STARD13: variants seen among roughly 807,000 people sequenced by gnomAD.
STARD13 encodes the protein stAR-related lipid transfer protein 13.
A neutral mutation model predicts 106.4 loss-of-function variants in STARD13; 62 were observed. The observed-to-expected ratio is 0.58, with a 90% CI of 0.48 to 0.72. The LOEUF (loss-of-function observed/expected upper bound fraction) is 0.72. STARD13 is among the 30% of genes least tolerant of loss of function. STARD13 has a pLI of 0.00. For missense variants in STARD13, 1,387 were observed against 1,424.0 expected (o/e 0.97, Z 0.42); for synonymous variants, 565 against 553.0 (o/e 1.02, Z -0.31).
the STARD13 span, among the ~76,000 whole-genome samples, chr13:33,617,263 G>A: frequency 2.6e-5 from 4 of 152,110 alleles, no homozygotes; most frequent in African/African-American, 4.8e-5. Flanking sequence ...ATAGTGCCTG[G>A]TACCATGTAC....
At chr13:33,225,405 T>A (rs1275923213) in intron 1 of STARD13, among the ~76,000 whole-genome samples, 1 of 152,242 alleles carries the variant, frequency 6.6e-6, no homozygotes, top group African/African-American at 2.4e-5. Flanking sequence ...AGTCCCCCTG[T>A]TCCTTCTAAC....
At chr13:33,215,453 G>A (rs974067923) in intron 1 of STARD13, among the ~76,000 whole-genome samples, 2 of 152,108 alleles carry the variant, frequency 1.3e-5, no homozygotes, top group African/African-American at 4.8e-5. Context: ...TTGTAATATA[G>A]CAAATGACTT....
At chr13:33,591,971 G>T in the STARD13 span, among the ~76,000 whole-genome samples, 2 of 152,074 alleles carry the variant, frequency 1.3e-5, no homozygotes, top group African/African-American at 2.4e-5. Flanking sequence ...ACCTGTTAGA[G>T]GCTTGTATGC....
chr13:33,399,738 GT>G, the STARD13 span, among the ~76,000 whole-genome samples: 1 of 132,466 alleles, frequency 7.5e-6, no homozygotes, highest in African/African-American at 2.8e-5. Flanking sequence ...ATTAAAATAA[GT>G]TTTTACAAAT....
At chr13:33,528,271 T>TATATATATATATATATATATAC in the STARD13 span, among the ~76,000 whole-genome samples, 1 of 127,248 alleles carries the variant, frequency 7.9e-6, no homozygotes, top group African/African-American at 3.3e-5. Context: ...TATATATATA[T>TATATATATATATATATATATAC]ATACTCTTTT....
At chr13:33,297,078 T>C (rs1892524000) in intron 1 of STARD13, among the ~76,000 whole-genome samples, 1 of 152,242 alleles carries the variant, frequency 6.6e-6, no homozygotes, top group East Asian at 1.9e-4. Context: ...TTAGAGAATA[T>C]GTGTGTATGC....
intron 3 of STARD13, among the ~76,000 whole-genome samples, chr13:33,163,469 A>G (rs1882878768): frequency 6.6e-6 from 1 of 151,264 alleles, no homozygotes; most frequent in Non-Finnish European, 1.5e-5. Context: ...ATATGCCTGT[A>G]GTCCCAGCTA....
chr13:33,659,619 T>A, the STARD13 span: 1 of 152,232 alleles, frequency 6.6e-6, no homozygotes, highest in African/African-American at 2.4e-5. Context: ...CAGAACTGAA[T>A]TGAGTTGGAA....
At chr13:33,612,086 T>C in the STARD13 span, among the ~76,000 whole-genome samples, 1 of 152,194 alleles carries the variant, frequency 6.6e-6, no homozygotes, top group African/African-American at 2.4e-5. Context: ...TGAATAAATA[T>C]GTACCAGGTG....
the STARD13 span, among the ~76,000 whole-genome samples, chr13:33,451,671 T>C: frequency 1.3e-5 from 2 of 152,284 alleles, no homozygotes; most frequent in East Asian, 3.9e-4. Context: ...ATATCAATGA[T>C]GTTTTAGCTG....
chr13:33,283,067 T>C (rs1891879319), intron 1 of STARD13, among the ~76,000 whole-genome samples: 1 of 152,066 alleles, frequency 6.6e-6, no homozygotes, highest in Non-Finnish European at 1.5e-5. Flanking sequence ...GTAAAATAAC[T>C]TGACATCCTG....
the STARD13 span, among the ~76,000 whole-genome samples, chr13:33,457,625 T>C: frequency 2.0e-5 from 3 of 152,210 alleles, no homozygotes; most frequent in South Asian, 4.1e-4. Context: ...TTTCTCACAG[T>C]CCGGGAGGCT....
At chr13:33,419,227 T>G in the STARD13 span, among the ~76,000 whole-genome samples, 3 of 152,148 alleles carry the variant, frequency 2.0e-5, no homozygotes, top group African/African-American at 7.2e-5. Context: ...GAAAACAGGT[T>G]AGATGAATGG....
chr13:33,668,141 G>A, the STARD13 span, among the ~76,000 whole-genome samples: 2 of 152,196 alleles, frequency 1.3e-5, no homozygotes, highest in Admixed American at 6.5e-5. Context: ...CCAATTCGGG[G>A]ATCATTCATT....
the STARD13 span, among the ~76,000 whole-genome samples, chr13:33,645,209 A>G: frequency 2.6e-5 from 4 of 152,128 alleles, no homozygotes; most frequent in Non-Finnish European, 5.9e-5. Context: ...GATGTCTTGC[A>G]GTGTTCATTT....
At chr13:33,141,369 C>T (rs546737313) in intron 4 of STARD13, among the ~76,000 whole-genome samples, 2 of 152,240 alleles carry the variant, frequency 1.3e-5, no homozygotes, top group African/African-American at 2.4e-5. Flanking sequence ...CTCATCTCAG[C>T]GGATTAAATG....
the STARD13 span, among the ~76,000 whole-genome samples, chr13:33,432,053 T>A: frequency 6.6e-6 from 1 of 152,078 alleles, no homozygotes; most frequent in Non-Finnish European, 1.5e-5. Flanking sequence ...TTCAAGTCTC[T>A]GAGGTATAGA....
chr13:33,364,063 C>T, the STARD13 span, among the ~76,000 whole-genome samples: 7 of 152,130 alleles, frequency 4.6e-5, no homozygotes, highest in African/African-American at 1.4e-4. Flanking sequence ...TGATGAACAA[C>T]GTTTTGGAAT....
Position 33,285,731 on chromosome 13 carries a change from C to G in STARD13, c.-93G>C. On this transcript the variant is annotated 5_prime_UTR_variant, in exon 1 of 14. Transcript: ENST00000336934. ...AAAGAGCAAGGCACCCAGCCCAGGACAGCTCAACAGACCCAGCGATTTTTA... is the reference window on the plus strand; with the variant it reads ...AAAGAGCAAGGCACCCAGCCCAGGAGAGCTCAACAGACCCAGCGATTTTTA... 6.6e-7 allele frequency: 1 copy of G among 1,524,586 alleles called. No homozygotes were observed. The highest frequency in any genetic ancestry group is 1.3e-5 in the South Asian group (1 of 75,784). The allele number at this position is 1,524,586 out of a possible 1,614,324, so 94.4% of individuals were successfully genotyped here. A position where few individuals can be genotyped will look rare whatever the true frequency, so the allele number is the denominator to read the frequency against.
Sources: allele counts gnomAD v4.1 joint callset (sites outside exome capture counted in the v4.1 genomes callset), GRCh38; gene constraint gnomAD v4.1.1; transcripts MANE v1.5; gene names NCBI Gene and HGNC (gene_info 2026-07-23, HGNC 2026-07-21).